DNMBP: variants seen among roughly 807,000 people sequenced by gnomAD.
DNMBP encodes the protein dynamin-binding protein.
DNMBP carries 87 observed loss-of-function variants against 150.0 expected under a neutral mutation model. The observed-to-expected ratio is 0.58, with a 90% CI of 0.49 to 0.69. The LOEUF (loss-of-function observed/expected upper bound fraction) is 0.69. Among genes scored for constraint, DNMBP ranks in the 30% least tolerant of loss-of-function variants. The pLI is 0.00. For missense variants in DNMBP, 1,774 were observed against 1,949.0 expected (o/e 0.91, Z 1.69); for synonymous variants, 711 against 750.4 (o/e 0.95, Z 0.86).
chr10:99,922,525 CT>C (rs1554864057), intron 4 of DNMBP, among the ~76,000 whole-genome samples: 1 of 41,474 alleles, frequency 2.4e-5, no homozygotes, highest in Non-Finnish European at 4.3e-5. Flanking sequence ...TTTTTTTTTT[CT>C]TAAAAAAAAA....
intron 1 of DNMBP, among the ~76,000 whole-genome samples, chr10:99,988,135 A>G (rs1033990285): frequency 1.1e-4 from 17 of 152,172 alleles, no homozygotes; most frequent in African/African-American, 3.9e-4. Flanking sequence ...CCTGCGTCCA[A>G]TGAGATGACC....
At position 99,990,812 on chromosome 10, in the gene DNMBP, T is replaced by C. The variant is rs957410725; in HGVS notation, c.-10-18678A>G. On this transcript the variant is annotated intron_variant, in intron 1 of 16. Transcript: ENST00000324109. Reference sequence around the variant, plus strand: ...ACATATATACACACATATATACACATATATATATATACACATATACATATA... The same window carrying C: ...ACATATATACACACATATATACACACATATATATATACACATATACATATA... 1.6e-3 allele frequency among the ~76,000 whole-genome samples: 75 copies of C among 48,038 alleles called. 1 individual carries two copies. In the East Asian group the frequency reaches 0.017, roughly 11 times the overall value. The allele number at this position is 48,038 out of a possible 152,430, so 31.5% of individuals were successfully genotyped here. A position where few individuals can be genotyped will look rare whatever the true frequency, so the allele number is the denominator to read the frequency against.
chr10:99,889,028 A>C, intron 11 of DNMBP, 75 bp from the exon 12 acceptor site: 1 of 1,521,332 alleles, frequency 6.6e-7, no homozygotes, highest in South Asian at 1.2e-5. Context: ...CCAAGACTGA[A>C]TAGCAGTCTT....
intron 2 of DNMBP, among the ~76,000 whole-genome samples, chr10:99,971,611 T>C (rs533053722): frequency 1.3e-5 from 2 of 152,096 alleles, no homozygotes; most frequent in Non-Finnish European, 2.9e-5. Context: ...AATCTTCACC[T>C]CCTGGGTTCA....
intron 1 of DNMBP, among the ~76,000 whole-genome samples, chr10:100,003,113 G>A (rs1418635725): frequency 6.6e-6 from 1 of 152,164 alleles, no homozygotes; most frequent in African/African-American, 2.4e-5. Flanking sequence ...ACTTTGGGAG[G>A]CCAAGGCACG....
intron 3 of DNMBP, among the ~76,000 whole-genome samples, chr10:99,962,280 T>C (rs559888196): frequency 1.4e-3 from 220 of 152,338 alleles, no homozygotes; most frequent in African/African-American, 4.4e-3. Context: ...CTTGGTCCTG[T>C]ATTTCTACAT....
At chr10:99,987,822 A>G (rs565216783) in intron 1 of DNMBP, among the ~76,000 whole-genome samples, 1 of 152,336 alleles carries the variant, frequency 6.6e-6, no homozygotes, top group East Asian at 1.9e-4. Flanking sequence ...GGATATTTTA[A>G]TAATATTACA....
At chr10:99,898,397 G>A in intron 8 of DNMBP, 112 bp from the exon 9 acceptor site, 1 of 801,698 alleles carries the variant, frequency 1.2e-6, no homozygotes, top group African/African-American at 1.7e-5. Context: ...TAATAATAAT[G>A]TACACCTATG....
chr10:99,956,965 T>A lies in DNMBP; in HGVS notation c.509A>T (p.Asp170Val), dbSNP rs906134056. ...LDEELDFREG[D>V]VITIIGVPEP... Reference sequence around the variant, plus strand: ...AGGAACTCCAATAATGGTGATCACATCCCCTTCCCTGAAGTCCAGCTCTTC... The same window carrying A: ...AGGAACTCCAATAATGGTGATCACAACCCCTTCCCTGAAGTCCAGCTCTTC... Residue 170 changes from aspartate to valine, a missense_variant, in exon 4 of 17, where the codon GAT becomes GTT. Asp to Val is a radical substitution (Grantham distance 152, BLOSUM62 -3). Coordinates refer to ENST00000324109, the MANE Select transcript of DNMBP (RefSeq NM_015221.4). 3 of 1,614,118 alleles carry A rather than the reference T, an allele frequency of 1.9e-6. No individual in the cohort carries two copies. The highest frequency in any genetic ancestry group is 1.3e-5 in the African/African-American group (1 of 75,036).
chr10:99,905,414 C>G (rs2039812151), intron 6 of DNMBP, among the ~76,000 whole-genome samples: 1 of 152,218 alleles, frequency 6.6e-6, no homozygotes, highest in Non-Finnish European at 1.5e-5. Context: ...TACCTTCCCT[C>G]TAAGTGTCGG....
chr10:99,994,797 C>G (rs1310036885), intron 1 of DNMBP, among the ~76,000 whole-genome samples: 1 of 152,194 alleles, frequency 6.6e-6, no homozygotes. Context: ...TTAAACACAT[C>G]AAACTATGAT....
chr10:99,946,379 C>T (rs1310255732), intron 4 of DNMBP, among the ~76,000 whole-genome samples: 1 of 152,190 alleles, frequency 6.6e-6, no homozygotes, highest in African/African-American at 2.4e-5. Context: ...GATAGAGCAA[C>T]TAATGCTCTG....
intron 4 of DNMBP, among the ~76,000 whole-genome samples, chr10:99,935,613 G>A (rs950285835): frequency 1.1e-4 from 16 of 152,120 alleles, no homozygotes; most frequent in African/African-American, 3.9e-4. Context: ...CACACAGGCT[G>A]GAGTGCAATG....
At position 99,955,290 on chromosome 10, in the gene DNMBP, T is replaced by C. The variant is rs2040471556; in HGVS notation, c.2184A>G (p.Arg728=). 2.5e-6 allele frequency: 4 copies of C among 1,614,140 alleles called. No individual in the cohort carries two copies. The highest frequency in any genetic ancestry group is 3.4e-6 in the Non-Finnish European group (4 of 1,180,018). Residue 728 remains arginine, a synonymous_variant, in exon 4 of 17, where the codon AGA becomes AGG. Coordinates refer to ENST00000324109, the MANE Select transcript of DNMBP (RefSeq NM_015221.4). The stretch of plus-strand genomic sequence containing the variant: ...ACTTGAGATCCTCGAGGGTCTCTGC[T>C]CTTGATGATTCATCCTGCTTCTCCT... ...MLEEKQDESS[R]AETLEDLKFC...
chr10:99,912,229 G>A (rs932258423), intron 4 of DNMBP, among the ~76,000 whole-genome samples: 1 of 152,004 alleles, frequency 6.6e-6, no homozygotes, highest in Non-Finnish European at 1.5e-5. Context: ...TGCACCATTT[G>A]GTTTCCCTGG....
intron 1 of DNMBP, among the ~76,000 whole-genome samples, chr10:99,983,787 C>T (rs531273352): frequency 6.6e-6 from 1 of 152,350 alleles, no homozygotes; most frequent in East Asian, 1.9e-4. Flanking sequence ...AAGGAATCTG[C>T]TGTCCTATAC....
intron 3 of DNMBP, among the ~76,000 whole-genome samples, chr10:99,965,036 A>G (rs925389559): frequency 2.0e-5 from 3 of 152,170 alleles, no homozygotes; most frequent in Non-Finnish European, 4.4e-5. Context: ...ACAGACACAC[A>G]AAACTTCACA....
At chr10:99,896,506 T>A in intron 9 of DNMBP, 109 bp from the exon 10 acceptor site, 1 of 1,051,222 alleles carries the variant, frequency 9.5e-7, no homozygotes, top group Non-Finnish European at 1.5e-6. Context: ...TTCAATGAGC[T>A]TATAACAAAA....
At chr10:99,884,328 C>T in intron 14 of DNMBP, 119 bp from the exon 15 acceptor site, 1 of 849,032 alleles carries the variant, frequency 1.2e-6, no homozygotes, top group Non-Finnish European at 1.8e-6. Flanking sequence ...CTGCCCATCT[C>T]ACTCCCATCA....
Sources: gnomAD v4.1 joint callset for allele counts (sites outside exome capture counted in the v4.1 genomes callset) on GRCh38, gnomAD v4.1.1 for gene constraint, MANE v1.5 for transcripts, NCBI Gene and HGNC (gene_info 2026-07-23, HGNC 2026-07-21) for gene names.